The following NKAIN3 variants were observed in gnomAD, a reference collection of about 807,000 sequenced individuals.
NKAIN3 encodes sodium/potassium-transporting ATPase subunit beta-1-interacting protein 3.
Under a neutral mutation model 30.2 loss-of-function variants are expected in NKAIN3, and 25 were observed. The ratio of observed to expected loss-of-function variants is 0.83; its 90% CI spans 0.60 to 1.16. NKAIN3 has a LOEUF of 1.16. Ranked by LOEUF, NKAIN3 falls within the 50% of genes most tolerant of loss-of-function variation. The probability of loss-of-function intolerance (pLI) is 0.00; values close to 1 mark genes in which losing one functional copy is unlikely to be tolerated. For missense variants in NKAIN3, 225 were observed against 254.1 expected (o/e 0.89, Z 0.78); for synonymous variants, 91 against 89.6 (o/e 1.02, Z -0.09).
chr8:62,492,213 G>T (rs769896453), intron 1 of NKAIN3, among the ~76,000 whole-genome samples: 6 of 152,134 alleles, frequency 3.9e-5, no homozygotes, highest in Non-Finnish European at 8.8e-5. Flanking sequence ...AGTGATCCAC[G>T]ATTGTGTTCA....
chr8:62,713,562 G>A (rs1220614357), intron 3 of NKAIN3, among the ~76,000 whole-genome samples: 1 of 151,230 alleles, frequency 6.6e-6, no homozygotes, highest in Non-Finnish European at 1.5e-5. Context: ...CAACAACAAT[G>A]TCACTAATAA....
At chr8:62,685,883 C>A (rs544160223) in intron 3 of NKAIN3, among the ~76,000 whole-genome samples, 1 of 152,290 alleles carries the variant, frequency 6.6e-6, no homozygotes, top group South Asian at 2.1e-4. Flanking sequence ...TAATCCCATC[C>A]CCTTCCTGTT....
chr8:62,469,401 A>G (rs182146855), intron 1 of NKAIN3, among the ~76,000 whole-genome samples: 259 of 152,306 alleles, frequency 1.7e-3, no homozygotes, highest in African/African-American at 5.7e-3. Context: ...AAGCAAGTCA[A>G]TGATACAGTT....
At chr8:62,431,811 T>G (rs1007665403) in intron 1 of NKAIN3, among the ~76,000 whole-genome samples, 1 of 151,394 alleles carries the variant, frequency 6.6e-6, no homozygotes, top group African/African-American at 2.4e-5. Flanking sequence ...TAGAGAATGC[T>G]TAATTATCTT....
intron 4 of NKAIN3, among the ~76,000 whole-genome samples, chr8:62,761,103 T>G (rs1211549628): frequency 6.6e-6 from 1 of 152,216 alleles, no homozygotes; most frequent in Non-Finnish European, 1.5e-5. Flanking sequence ...TTCTGTTTTT[T>G]TACCACCTTG....
chr8:62,744,325 A>G (rs1257096071), intron 3 of NKAIN3, among the ~76,000 whole-genome samples: 3 of 152,242 alleles, frequency 2.0e-5, no homozygotes, highest in African/African-American at 7.2e-5. Flanking sequence ...ATTGTGAGGA[A>G]TAGTACCATT....
intron 4 of NKAIN3, among the ~76,000 whole-genome samples, chr8:62,771,729 G>A (rs1275181260): frequency 1.3e-5 from 2 of 152,058 alleles, no homozygotes; most frequent in Non-Finnish European, 2.9e-5. Context: ...ATTCACTATA[G>A]TTAAAATGCT....
chr8:62,707,738 C>A (rs963548333), intron 3 of NKAIN3, among the ~76,000 whole-genome samples: 1 of 152,080 alleles, frequency 6.6e-6, no homozygotes, highest in Non-Finnish European at 1.5e-5. Flanking sequence ...AATTAAGTCC[C>A]AGCTATTTAT....
chr8:62,381,356 T>G (rs1817268961), intron 1 of NKAIN3, among the ~76,000 whole-genome samples: 3 of 152,184 alleles, frequency 2.0e-5, no homozygotes, highest in African/African-American at 4.8e-5. Flanking sequence ...ATTTTACTCT[T>G]AGCCTAAATC....
At chr8:62,915,892 A>G (rs1476952302) in intron 4 of NKAIN3, among the ~76,000 whole-genome samples, 1 of 152,238 alleles carries the variant, frequency 6.6e-6, no homozygotes, top group Non-Finnish European at 1.5e-5. Context: ...AAATGAGCAA[A>G]AAACCTCTGA....
chr8:62,814,855 C>T (rs543653131), intron 4 of NKAIN3, among the ~76,000 whole-genome samples: 2 of 151,800 alleles, frequency 1.3e-5, no homozygotes, highest in South Asian at 2.1e-4. Context: ...TTCAAAAGCT[C>T]GCAGAAGACA....
chr8:62,589,915 G>GTGTA, intron 3 of NKAIN3, 121 bp downstream of exon 3: 2 of 398,918 alleles, frequency 5.0e-6, no homozygotes, highest in Non-Finnish European at 9.1e-6. Flanking sequence ...GTGTGTGTGT[G>GTGTA]TATAGAATGA....
intron 1 of NKAIN3, among the ~76,000 whole-genome samples, chr8:62,361,637 T>A (rs1031611766): frequency 1.3e-5 from 2 of 152,244 alleles, no homozygotes; most frequent in African/African-American, 4.8e-5. Context: ...AGGTCTATGA[T>A]TTTGTTAAAC....
At chr8:62,465,882 G>A (rs962164559) in intron 1 of NKAIN3, among the ~76,000 whole-genome samples, 1 of 152,052 alleles carries the variant, frequency 6.6e-6, no homozygotes, top group African/African-American at 2.4e-5. Flanking sequence ...AATTAGCCAG[G>A]TGTGGTGGCA....
intron 3 of NKAIN3, among the ~76,000 whole-genome samples, chr8:62,731,655 T>G (rs1210874855): frequency 1.3e-5 from 2 of 152,060 alleles, no homozygotes; most frequent in African/African-American, 4.8e-5. Context: ...GCTGACTGAC[T>G]GACATAATAG....
intron 1 of NKAIN3, among the ~76,000 whole-genome samples, chr8:62,296,377 A>G (rs938972832): frequency 6.6e-6 from 1 of 151,862 alleles, no homozygotes; most frequent in Non-Finnish European, 1.5e-5. Flanking sequence ...TAATCATTTC[A>G]TCATGACCTA....
intron 1 of NKAIN3, among the ~76,000 whole-genome samples, chr8:62,471,003 CACAG>C (rs972436606): frequency 6.6e-6 from 1 of 151,994 alleles, no homozygotes; most frequent in Admixed American, 6.6e-5. Flanking sequence ...AACTAAAACA[CACAG>C]ACATTCAGTG....
intron 4 of NKAIN3, among the ~76,000 whole-genome samples, chr8:62,844,179 C>G (rs1226419038): frequency 6.6e-6 from 1 of 152,122 alleles, no homozygotes; most frequent in African/African-American, 2.4e-5. Flanking sequence ...AACAGGGCAA[C>G]TTTGGCCTTA....
chr8:62,399,276 C>T (rs1361989689), intron 1 of NKAIN3, among the ~76,000 whole-genome samples: 3 of 152,022 alleles, frequency 2.0e-5, no homozygotes, highest in Admixed American at 6.5e-5. Context: ...GAGGCCGAGG[C>T]GGGTAGATCG....
Sources: allele counts gnomAD v4.1 joint callset (sites outside exome capture counted in the v4.1 genomes callset), GRCh38; gene constraint gnomAD v4.1.1; transcripts MANE v1.5; gene names NCBI Gene and HGNC (gene_info 2026-07-23, HGNC 2026-07-21).